FBXO36: variants seen among roughly 807,000 people sequenced by gnomAD.
FBXO36 encodes the protein F-box only protein 36.
In FBXO36, 18 loss-of-function variants were observed where a neutral mutation model predicts 17.0. That is an observed-to-expected ratio of 1.06 (90% confidence interval 0.73 to 1.57). FBXO36 has a LOEUF of 1.57. Among genes scored for constraint, FBXO36 ranks in the 40% most tolerant of loss-of-function variants. FBXO36 has a pLI of 0.00. For missense variants in FBXO36, 229 were observed against 221.9 expected, an observed-to-expected ratio of 1.03 and a Z score of -0.20; for synonymous variants, 83 against 85.3, an observed-to-expected ratio of 0.97 and a Z score of 0.15.
At chr2:229,990,534 T>TA (rs1294888647) in intron 2 of FBXO36, among the ~76,000 whole-genome samples, 1 of 152,196 alleles carries the variant, frequency 6.6e-6, no homozygotes, top group Non-Finnish European at 1.5e-5. Context: ...TGGCAAATTC[T>TA]GTAAGATATT....
chr2:229,922,775 G>C (rs1020993043), intron 1 of FBXO36, among the ~76,000 whole-genome samples, 166 bp downstream of exon 1: 2 of 152,164 alleles, frequency 1.3e-5, no homozygotes, highest in African/African-American at 4.8e-5. Flanking sequence ...TCCTCGGTCC[G>C]ACGGCCCGCG....
intron 1 of FBXO36, among the ~76,000 whole-genome samples, chr2:229,950,365 G>A (rs566016521): frequency 6.6e-6 from 1 of 152,140 alleles, no homozygotes; most frequent in Non-Finnish European, 1.5e-5. Context: ...GGCAGAGGTT[G>A]CAGTGAGCCG....
At position 230,010,711 on chromosome 2, in the gene FBXO36, A is replaced by G; in HGVS notation, c.394A>G (p.Lys132Glu). The G allele has an allele frequency of 6.2e-7, 1 of 1,611,132 alleles. No individual in the cohort carries two copies. The highest frequency in any genetic ancestry group is 1.1e-5 in the South Asian group (1 of 90,866). ...HRFAKLCMSD[K>E]LWEQIVQSTC... ...CCACCCACAGCTGTGCATGTCTGAT[A>G]AACTGTGGGAACAGATAGTCCAGTC... The change falls in exon 4 of 4, where the codon AAA becomes GAA. Residue 132 changes from lysine (K) to glutamate (E), a missense_variant. By Grantham distance (56) the Lys-to-Glu change is moderately conservative. Transcript: ENST00000283946.
At chr2:229,931,900 TTGCTTG>T (rs1464293751) in intron 1 of FBXO36, among the ~76,000 whole-genome samples, 38 of 150,914 alleles carry the variant, frequency 2.5e-4, no homozygotes, top group Non-Finnish European at 4.9e-4. Flanking sequence ...TTTTGGTTTT[TTGCTTG>T]TATATGTGTA....
Position 229,951,304 on chromosome 2 carries a change from C to T in FBXO36, c.97-24937C>T, listed in dbSNP as rs145595117. On this transcript the variant is annotated intron_variant, in intron 1 of 3. Transcript: ENST00000283946. ...TGTTGCCCAGGCTGGATTTCAGTGG[C>T]GTGATCTCGGCTCACTACAACCTCC... Among the ~76,000 whole-genome samples, 7 of 138,210 alleles carry T rather than the reference C, an allele frequency of 5.1e-5. No homozygotes were observed. In the East Asian group the frequency reaches 9.1e-4, roughly 18 times the overall value. 90.7% of individuals were successfully genotyped at this position (138,210 alleles called of 152,430 possible). A position where few individuals can be genotyped will look rare whatever the true frequency, so the allele number is the denominator to read the frequency against.
chr2:229,947,876 G>T (rs1422740841), intron 1 of FBXO36, among the ~76,000 whole-genome samples: 2 of 152,160 alleles, frequency 1.3e-5, no homozygotes, highest in African/African-American at 4.8e-5. Context: ...TGCACAGTAA[G>T]CAGCTGCATA....
At chr2:229,961,521 G>A (rs546637247) in intron 1 of FBXO36, among the ~76,000 whole-genome samples, 1 of 152,056 alleles carries the variant, frequency 6.6e-6, no homozygotes, top group South Asian at 2.1e-4. Context: ...AACTACGGGC[G>A]CATGCCACCA....
intron 1 of FBXO36, among the ~76,000 whole-genome samples, chr2:229,942,398 C>G (rs2077004075): frequency 6.6e-6 from 1 of 152,096 alleles, no homozygotes; most frequent in African/African-American, 2.4e-5. Flanking sequence ...TCTTGTGTGT[C>G]TTTACCTACC....
intron 1 of FBXO36, among the ~76,000 whole-genome samples, chr2:229,932,560 C>T (rs907507161): frequency 1.3e-5 from 2 of 151,956 alleles, no homozygotes; most frequent in African/African-American, 4.8e-5. Flanking sequence ...CACTTGTAAT[C>T]CCAGCTACTC....
intron 1 of FBXO36, among the ~76,000 whole-genome samples, chr2:229,951,957 A>G (rs2077059757): frequency 6.6e-6 from 1 of 152,218 alleles, no homozygotes; most frequent in Non-Finnish European, 1.5e-5. Flanking sequence ...GCTCTCGCCA[A>G]GTTTTGCACT....
At chr2:229,966,428 C>T (rs1029535529) in intron 1 of FBXO36, among the ~76,000 whole-genome samples, 5 of 152,006 alleles carry the variant, frequency 3.3e-5, no homozygotes, top group East Asian at 1.9e-4. Flanking sequence ...CATTGCTTTT[C>T]GTGTTTTAGA....
chr2:229,981,226 C>T (rs1211085392), intron 2 of FBXO36, among the ~76,000 whole-genome samples: 3 of 152,102 alleles, frequency 2.0e-5, no homozygotes, highest in Admixed American at 1.3e-4. Flanking sequence ...CAGTGGCTCA[C>T]GCCTGTAATC....
chr2:229,978,824 A>G (rs1388452800), intron 2 of FBXO36, among the ~76,000 whole-genome samples: 2 of 152,152 alleles, frequency 1.3e-5, no homozygotes, highest in Non-Finnish European at 2.9e-5. Flanking sequence ...CAAGCACGAT[A>G]ATCTCATTTA....
chr2:229,979,061 C>T (rs1380732495), intron 2 of FBXO36, among the ~76,000 whole-genome samples: 1 of 151,494 alleles, frequency 6.6e-6, no homozygotes, highest in African/African-American at 2.4e-5. Flanking sequence ...CCTGTAATCC[C>T]TGCTGCTCGG....
At chr2:229,983,737 A>G (rs550543267) in intron 2 of FBXO36, among the ~76,000 whole-genome samples, 9 of 152,356 alleles carry the variant, frequency 5.9e-5, no homozygotes, top group Non-Finnish European at 1.2e-4. Context: ...TTCCATTCCA[A>G]TCCTGGCCCT....
chr2:229,998,624 G>GAAA (rs71049611), intron 3 of FBXO36, among the ~76,000 whole-genome samples: 12 of 129,996 alleles, frequency 9.2e-5, no homozygotes, highest in South Asian at 2.5e-4. Flanking sequence ...CTCAGTCTCA[G>GAAA]AAAAAAAAAA....
intron 1 of FBXO36, among the ~76,000 whole-genome samples, chr2:229,957,778 TCTCAA>T (rs2077096596): frequency 1.3e-5 from 2 of 152,202 alleles, no homozygotes; most frequent in Non-Finnish European, 2.9e-5. Context: ...ACTGTCAGCT[TCTCAA>T]CCAGCTGGAC....
chr2:229,952,624 G>A (rs868002165), intron 1 of FBXO36, among the ~76,000 whole-genome samples: 2 of 152,160 alleles, frequency 1.3e-5, no homozygotes, highest in South Asian at 4.1e-4. Flanking sequence ...AATCTAAAGT[G>A]CCTCGCATCC....
At chr2:229,931,820 CAG>C (rs2076939722) in intron 1 of FBXO36, among the ~76,000 whole-genome samples, 1 of 151,920 alleles carries the variant, frequency 6.6e-6, no homozygotes, top group African/African-American at 2.4e-5. Flanking sequence ...GCCTGGGCGA[CAG>C]AGTGAGACTT....
Sources: allele counts gnomAD v4.1 joint callset (sites outside exome capture counted in the v4.1 genomes callset), GRCh38; gene constraint gnomAD v4.1.1; transcripts MANE v1.5; gene names NCBI Gene and HGNC (gene_info 2026-07-23, HGNC 2026-07-21).